BMS1: variants seen among roughly 807,000 people sequenced by gnomAD.
BMS1 encodes BMS1 ribosome biogenesis factor, also known as ribosome biogenesis protein BMS1 homolog.
A neutral mutation model predicts 138.7 loss-of-function variants in BMS1; 53 were observed. The ratio of observed to expected loss-of-function variants is 0.38; its 90% confidence interval spans 0.31 to 0.48. The LOEUF (loss-of-function observed/expected upper bound fraction) is 0.48. Ranked by LOEUF, BMS1 falls within the 20% of genes least tolerant of loss-of-function variation. The probability of loss-of-function intolerance (pLI) is 0.97; values close to 1 mark genes in which losing one functional copy is unlikely to be tolerated. For missense variants in BMS1, 1,360 were observed against 1,565.5 expected (o/e 0.87, Z 2.22); for synonymous variants, 504 against 539.9 (o/e 0.93, Z 0.92).
At chr10:42,796,183 A>G (rs1191141497) in intron 9 of BMS1, among the ~76,000 whole-genome samples, 2 of 152,234 alleles carry the variant, frequency 1.3e-5, no homozygotes, top group Non-Finnish European at 2.9e-5. Context: ...TCTACAAAAC[A>G]GTAACTTCTC....
intron 12 of BMS1, among the ~76,000 whole-genome samples, chr10:42,800,557 C>T (rs1252858276): frequency 1.1e-4 from 14 of 129,776 alleles, no homozygotes; most frequent in African/African-American, 3.3e-4. Flanking sequence ...GATGGAGTTT[C>T]GCTCTGTCGC....
In BMS1 at chr10:42,820,553, C is replaced by T; in HGVS notation, c.2815C>T (p.Arg939Ter). Residue 939 changes from arginine (R) to a stop codon, truncating the protein, a stop_gained, in exon 17 of 23, where the codon CGA becomes TGA. Transcript: ENST00000374518. LOFTEE classifies it high-confidence loss of function. Reference protein sequence around the residue: ...HRWYKKILKSRDPIIFSVGWR... With the variant: ...HRWYKKILKS ...CTGGTATAAGAAAATCCTCAAGTCCCGAGATCCAATCATATTTTCTGTAGG... is the reference window on the plus strand; with the variant it reads ...CTGGTATAAGAAAATCCTCAAGTCCTGAGATCCAATCATATTTTCTGTAGG... The T allele has an allele frequency of 7.4e-6, 12 of 1,611,332 alleles. No homozygotes were observed. Among genetic ancestry groups the T allele is most frequent in the Non-Finnish European group, 1.0e-5 (12 of 1,179,646 alleles).
At chr10:42,787,966 C>T (rs1265459638) in intron 4 of BMS1, among the ~76,000 whole-genome samples, 3 of 152,022 alleles carry the variant, frequency 2.0e-5, no homozygotes, top group African/African-American at 7.2e-5. Context: ...AAAAAATAAG[C>T]CATATTGATT....
chr10:42,792,824 G>C lies in BMS1; in HGVS notation c.902-133G>C, dbSNP rs891787726. ...TTGTAGCTAGGGGGCCACTGTTCCA[G>C]TGTGGCACAATGCCCTTCTTTAGTG... On this transcript the variant is annotated intron_variant, in intron 7 of 22. Coordinates refer to ENST00000374518, the MANE Select transcript of BMS1 (RefSeq NM_014753.4). 1.5e-5 allele frequency: 19 copies of C among 1,290,336 alleles called. No individual in the cohort carries two copies. In the African/African-American group the frequency reaches 2.8e-4, roughly 19 times the overall value. 79.9% of individuals were successfully genotyped at this position (1,290,336 alleles called of 1,614,324 possible).
intron 13 of BMS1, among the ~76,000 whole-genome samples, chr10:42,812,759 CAA>C (rs1842220869): frequency 6.6e-6 from 1 of 152,170 alleles, no homozygotes; most frequent in South Asian, 2.1e-4. Flanking sequence ...TTGGTAGTAA[CAA>C]GAGCACACAA....
At chr10:42,820,732 C>T (rs880001656) in intron 17 of BMS1, 44 bp downstream of exon 17, 1 of 1,583,098 alleles carries the variant, frequency 6.3e-7, no homozygotes, top group Non-Finnish European at 8.6e-7. Flanking sequence ...AAGATTAAAC[C>T]TTACAGGCTG....
At chr10:42,824,028 A>G (rs1842574049) in intron 21 of BMS1, among the ~76,000 whole-genome samples, 1 of 152,194 alleles carries the variant, frequency 6.6e-6, no homozygotes, top group Non-Finnish European at 1.5e-5. Context: ...TATTTTATAT[A>G]TTTGAGGTTG....
intron 13 of BMS1, among the ~76,000 whole-genome samples, chr10:42,806,883 G>A (rs375390988): frequency 3.3e-5 from 5 of 151,506 alleles, no homozygotes; most frequent in African/African-American, 1.2e-4. Context: ...AAAAAAGAAC[G>A]AATACAGAGA....
chr10:42,816,133 T>C (rs1842340611), intron 13 of BMS1, among the ~76,000 whole-genome samples: 1 of 152,028 alleles, frequency 6.6e-6, no homozygotes, highest in African/African-American at 2.4e-5. Context: ...ATCCCATCTT[T>C]ACTAAAAATA....
In BMS1 at chr10:42,831,611, C is replaced by T. The variant is rs1842800777; in HGVS notation, c.*515C>T. On this transcript the variant is annotated 3_prime_UTR_variant, in exon 23 of 23. Coordinates refer to ENST00000374518, the MANE Select transcript of BMS1 (RefSeq NM_014753.4). ...GACACACAAACCTAGATGGTACAGC[C>T]TACTGTGCACCCAGGATCTATGGGC... 1 of 158,502 alleles carries T rather than the reference C, an allele frequency of 6.3e-6. No individual in the cohort carries two copies. The highest frequency in any genetic ancestry group is 1.8e-4 in the South Asian group (1 of 5,484). The allele number at this position is 158,502 out of a possible 1,614,324, so 9.8% of individuals were successfully genotyped here.
At position 42,808,732 on chromosome 10, in the gene BMS1, G is replaced by A. The variant is rs151027840; in HGVS notation, c.2329+6514G>A. On this transcript the variant is annotated intron_variant, in intron 13 of 22. Transcript: ENST00000374518. ...GGCTTAGCTCAAGGTTTATATTTTCGCCTGCAATTGTATAATTTTTCTAGC... is the reference window on the plus strand; with the variant it reads ...GGCTTAGCTCAAGGTTTATATTTTCACCTGCAATTGTATAATTTTTCTAGC... Among the ~76,000 whole-genome samples, 909 of 151,750 alleles carry A rather than the reference G, an allele frequency of 6.0e-3. 3 individuals are homozygous for A. Among genetic ancestry groups the A allele is most frequent in the African/African-American group, 0.021 (862 of 41,336 alleles).
intron 4 of BMS1, among the ~76,000 whole-genome samples, chr10:42,789,334 C>T (rs1356890747): frequency 5.9e-5 from 9 of 152,170 alleles, no homozygotes; most frequent in Non-Finnish European, 1.3e-4. Context: ...TCTCACAAGC[C>T]CACCTTCATA....
At chr10:42,823,515 G>C in intron 20 of BMS1, 94 bp from the exon 21 acceptor site, 1 of 1,274,898 alleles carries the variant, frequency 7.8e-7, no homozygotes, top group Non-Finnish European at 1.1e-6. Context: ...GCCAGGTAGA[G>C]AAGTTTGGAG....
intron 1 of BMS1, among the ~76,000 whole-genome samples, 187 bp from the exon 2 acceptor site, chr10:42,784,175 C>T (rs1841248633): frequency 6.6e-6 from 1 of 152,170 alleles, no homozygotes; most frequent in Admixed American, 6.5e-5. Flanking sequence ...AGAGGTAACT[C>T]ATCTAATTTA....
chr10:42,804,508 C>T (rs531682816), intron 13 of BMS1, among the ~76,000 whole-genome samples: 5 of 152,172 alleles, frequency 3.3e-5, no homozygotes, highest in South Asian at 2.1e-4. Context: ...TGCTTATTTG[C>T]CGTCTGTGTC....
chr10:42,790,476 C>T lies in BMS1; in HGVS notation c.601C>T (p.Arg201Ter), dbSNP rs749025521. The T allele has an allele frequency of 3.1e-6, 5 of 1,613,838 alleles. No homozygotes were observed. The highest frequency in any genetic ancestry group is 1.7e-4 in the Middle Eastern group (1 of 6,056). ...HNKQLKKTKK[R>*]LKHRFWTEVY... ...TAAGCAACTGAAGAAGACAAAGAAG[C>T]GATTAAAACACAGGTTCTGGACGGA... Residue 201 changes from arginine (R) to a stop codon, truncating the protein, a stop_gained, in exon 5 of 23, where the codon CGA (arginine) becomes TGA (stop). Coordinates refer to ENST00000374518, the MANE Select transcript of BMS1 (RefSeq NM_014753.4). LOFTEE classifies it high-confidence loss of function.
chr10:42,801,444 C>G (rs1277286139), intron 12 of BMS1, among the ~76,000 whole-genome samples: 3 of 152,156 alleles, frequency 2.0e-5, no homozygotes, highest in African/African-American at 4.8e-5. Context: ...AGTGACTGTG[C>G]CATTTTACTT....
intron 13 of BMS1, among the ~76,000 whole-genome samples, chr10:42,806,407 T>C (rs1249469481): frequency 6.6e-6 from 1 of 152,216 alleles, no homozygotes; most frequent in Non-Finnish European, 1.5e-5. Flanking sequence ...AACCTTGCTT[T>C]GTCCTGATTT....
At chr10:42,792,911 C>G in intron 7 of BMS1, 46 bp from the exon 8 acceptor site, 1 of 1,576,016 alleles carries the variant, frequency 6.3e-7, no homozygotes, top group Non-Finnish European at 8.6e-7. Context: ...GTAGATGCTT[C>G]TGACTTCTTG....
Sources: gnomAD v4.1 joint callset for allele counts (sites outside exome capture counted in the v4.1 genomes callset) on GRCh38, gnomAD v4.1.1 for gene constraint, MANE v1.5 for transcripts, NCBI Gene and HGNC (gene_info 2026-07-23, HGNC 2026-07-21) for gene names.